Variants in ABCC3 observed in about 807,000 individuals in gnomAD.
ABCC3 encodes ATP binding cassette subfamily C member 3.
A neutral mutation model predicts 165.3 loss-of-function variants in ABCC3; 121 were observed. That is an observed-to-expected ratio of 0.73 (90% CI 0.63 to 0.85). ABCC3 has a LOEUF of 0.85. Among genes scored for constraint, ABCC3 ranks in the 40% least tolerant of loss-of-function variants. ABCC3 has a pLI of 0.00. For synonymous variants in ABCC3, 733 were observed against 810.1 expected (o/e 0.90, Z 1.62); for missense variants, 1,869 against 1,964.1 (o/e 0.95, Z 0.92).
intron 17 of ABCC3, among the ~76,000 whole-genome samples, 167 bp downstream of exon 17, chr17:50,669,695 A>G (rs1275385097): frequency 6.6e-6 from 1 of 152,242 alleles, no homozygotes; most frequent in African/African-American, 2.4e-5. Context: ...TGTTTAGTGA[A>G]CAAGTAGGAA....
chr17:50,673,828 C>G (rs1967703410), intron 19 of ABCC3, among the ~76,000 whole-genome samples, 170 bp downstream of exon 19: 1 of 151,876 alleles, frequency 6.6e-6, no homozygotes, highest in South Asian at 2.1e-4. Flanking sequence ...ATAGTCGGGT[C>G]CCACTGCCTC....
At chr17:50,677,096 G>A (rs1020692662) in intron 23 of ABCC3, among the ~76,000 whole-genome samples, 10 of 152,312 alleles carry the variant, frequency 6.6e-5, no homozygotes, top group African/African-American at 2.2e-4. Flanking sequence ...TGGCCAGGCT[G>A]CTCTTGAACT....
intron 8 of ABCC3, 67 bp from the exon 9 acceptor site, chr17:50,663,614 G>C (rs1246076295): frequency 7.1e-6 from 11 of 1,558,012 alleles, no homozygotes; most frequent in South Asian, 1.2e-5. Flanking sequence ...TAAAAGCAAA[G>C]GGCAGCAGAG....
Position 50,678,311 on chromosome 17 carries a change from A to C in ABCC3, c.3705+92A>C, listed in dbSNP as rs923640044. ...ATCTCCCGAGTGCCCCTCCCTGCTC[A>C]GTATGGGCACCAGCCACAGGGTCTG... On this transcript the variant is annotated intron_variant, in intron 25 of 30. Transcript: ENST00000285238. 4 of 1,378,676 alleles carry C rather than the reference A, an allele frequency of 2.9e-6. No homozygotes were observed. The Admixed American group carries it at 8.7e-5, about 30-fold the overall frequency. The allele number at this position is 1,378,676 out of a possible 1,614,324, so 85.4% of individuals were successfully genotyped here. A position where few individuals can be genotyped will look rare whatever the true frequency, so the allele number is the denominator to read the frequency against.
At chr17:50,649,046 A>G (rs573288086) in intron 1 of ABCC3, among the ~76,000 whole-genome samples, 103 of 150,280 alleles carry the variant, frequency 6.9e-4, no homozygotes, top group African/African-American at 2.5e-3. Context: ...TCAGAGGCAG[A>G]GGTTGCAGTG....
intron 1 of ABCC3, among the ~76,000 whole-genome samples, chr17:50,639,635 G>A (rs1163231275): frequency 6.6e-6 from 1 of 152,154 alleles, no homozygotes; most frequent in African/African-American, 2.4e-5. Flanking sequence ...TGCTGGGGTG[G>A]CTGGGCCCCT....
intron 1 of ABCC3, among the ~76,000 whole-genome samples, chr17:50,636,642 T>C (rs1195852919): frequency 1.3e-5 from 2 of 152,012 alleles, no homozygotes; most frequent in Non-Finnish European, 2.9e-5. Flanking sequence ...AAACAGAAAA[T>C]CAAGAGGGTA....
At chr17:50,669,561 G>A (rs1395611820) in intron 17 of ABCC3, 33 bp downstream of exon 17, 5 of 1,606,908 alleles carry the variant, frequency 3.1e-6, no homozygotes, top group Non-Finnish European at 3.4e-6. Flanking sequence ...TAAGAGGCTA[G>A]GGCATAGAGC....
chr17:50,676,630 G>T, intron 23 of ABCC3, 42 bp downstream of exon 23: 1 of 1,549,016 alleles, frequency 6.5e-7, no homozygotes. Flanking sequence ...TGGTGTTATT[G>T]GGGCGGGGCA....
chr17:50,673,100 G>A lies in ABCC3; in HGVS notation c.2371G>A (p.Asp791Asn). The stretch of plus-strand genomic sequence containing the variant: ...CTCTCATGTGGCCAAGCACATCTTT[G>A]ACCACGTCATCGGGCCAGAAGGCGT... The part of the protein sequence containing the change: ...VDSHVAKHIF[D>N]HVIGPEGVLA... The change falls in exon 18 of 31, where the codon GAC becomes AAC. Residue 791 changes from aspartate to asparagine, a missense_variant. By Grantham distance (23) the Asp-to-Asn change is conservative. Transcript: ENST00000285238. 6.2e-7 allele frequency: 1 copy of A among 1,614,098 alleles called. No homozygotes were observed. Among genetic ancestry groups the A allele is most frequent in the Non-Finnish European group, 8.5e-7 (1 of 1,180,036 alleles).
In ABCC3 at chr17:50,687,664, C is replaced by T; in HGVS notation, c.4409C>T (p.Thr1470Ile). 1 of 1,614,256 alleles carries T rather than the reference C, an allele frequency of 6.2e-7. No homozygotes were observed. Among genetic ancestry groups the T allele is most frequent in the Non-Finnish European group, 8.5e-7 (1 of 1,180,052 alleles). The change falls in exon 30 of 31, where the codon ACC becomes ATC. Residue 1470 changes from threonine to isoleucine, a missense_variant. Physicochemically the swap from Thr to Ile is moderately conservative, Grantham distance 89. Transcript: ENST00000285238. ...AACCTCATCCAGGCTACCATCCGCA[C>T]CCAGTTTGATACCTGCACTGTCCTG... ...TDNLIQATIRTQFDTCTVLTI... is the reference protein window; with the variant it reads ...TDNLIQATIRIQFDTCTVLTI...
chr17:50,673,526 G>C lies in ABCC3; in HGVS notation c.2467G>C (p.Val823Leu). 1 of 1,614,190 alleles carries C rather than the reference G, an allele frequency of 6.2e-7. No homozygotes were observed. The highest frequency in any genetic ancestry group is 8.5e-7 in the Non-Finnish European group (1 of 1,180,028). The change falls in exon 19 of 31, where the codon GTG becomes CTG. Residue 823 changes from valine (V) to leucine (L), a missense_variant. Coordinates refer to ENST00000285238, the MANE Select transcript of ABCC3 (RefSeq NM_003786.4). Reference sequence around the variant, plus strand: ...CCTGCCCCAGACAGACTTCATCATTGTGCTAGCTGATGGACAGGTGTCTGA... The same window carrying C: ...CCTGCCCCAGACAGACTTCATCATTCTGCTAGCTGATGGACAGGTGTCTGA... The part of the protein sequence containing the change: ...SFLPQTDFII[V>L]LADGQVSEMG...
At chr17:50,666,149 C>G (rs1402077563) in intron 11 of ABCC3, among the ~76,000 whole-genome samples, 1 of 152,290 alleles carries the variant, frequency 6.6e-6, no homozygotes, top group East Asian at 1.9e-4. Context: ...CTGCCTAACT[C>G]CTTTCCTTCC....
intron 27 of ABCC3, 58 bp downstream of exon 27, chr17:50,683,814 C>T (rs756644569): frequency 1.7e-5 from 27 of 1,571,202 alleles, no homozygotes; most frequent in Non-Finnish European, 2.2e-5. Flanking sequence ...ATGGCCACAG[C>T]CCTTGTGGGG....
intron 30 of ABCC3, among the ~76,000 whole-genome samples, chr17:50,689,426 G>C (rs532064699): frequency 1.3e-5 from 2 of 152,156 alleles, no homozygotes; most frequent in African/African-American, 4.8e-5. Flanking sequence ...GAAGCCTCAC[G>C]GGAGTGAACT....
In ABCC3 at chr17:50,668,902, GC is replaced by G; in HGVS notation, c.1926del (p.Thr643LeufsTer5). On this transcript the variant is annotated frameshift_variant, in exon 15 of 31. Coordinates refer to ENST00000285238, the MANE Select transcript of ABCC3 (RefSeq NM_003786.4). LOFTEE classifies it high-confidence loss of function. ...SGTFTWAQDL[P>X]PTLHSLDIQV... is the part of the protein sequence containing the mutation. ...GCACCTTCACCTGGGCCCAGGACCT[GC>G]CCCCCACTCTGCACAGGTACCAGCT... 1 of 1,613,988 alleles carries G rather than the reference GC, an allele frequency of 6.2e-7. No individual in the cohort carries two copies. The highest frequency in any genetic ancestry group is 1.7e-5 in the Admixed American group (1 of 60,002).
At chr17:50,644,576 G>A (rs536923707) in intron 1 of ABCC3, among the ~76,000 whole-genome samples, 1 of 152,212 alleles carries the variant, frequency 6.6e-6, no homozygotes, top group South Asian at 2.1e-4. Flanking sequence ...GCTGGGTGTG[G>A]TGGTGTGCAC....
chr17:50,669,441 G>C lies in ABCC3; in HGVS notation c.2154G>C (p.Lys718Asn). Residue 718 changes from lysine to asparagine, a missense_variant, in exon 17 of 31, where the codon AAG (lysine) becomes AAC (asparagine). By Grantham distance (94) the Lys-to-Asn change is moderately conservative. Transcript: ENST00000285238. ...NVLFGKALNP[K>N]RYQQTLEACA... ...TTTTCGGCAAAGCCCTGAACCCCAA[G>C]CGCTACCAGCAGACTCTGGAGGCCT... 1.2e-6 allele frequency: 2 copies of C among 1,614,270 alleles called. No individual in the cohort carries two copies. The highest frequency in any genetic ancestry group is 1.6e-4 in the Middle Eastern group (1 of 6,062).
At position 50,662,762 on chromosome 17, in the gene ABCC3, A is replaced by G. The variant is rs374318251; in HGVS notation, c.999-919A>G. Among the ~76,000 whole-genome samples the G allele has an allele frequency of 2.0e-5, 3 of 151,830 alleles. No homozygotes were observed. In the East Asian group the frequency reaches 5.8e-4, roughly 30 times the overall value. ...ACGTTCACAGGTACCAGGTGTTGGG[A>G]GCTGAACATATCTTTCTGGGAGACA... is the stretch of plus-strand genomic sequence containing the variant. On this transcript the variant is annotated intron_variant, in intron 8 of 30. Transcript: ENST00000285238.
Sources: gnomAD v4.1 joint callset for allele counts (sites outside exome capture counted in the v4.1 genomes callset) on GRCh38, gnomAD v4.1.1 for gene constraint, MANE v1.5 for transcripts, NCBI Gene and HGNC (gene_info 2026-07-23, HGNC 2026-07-21) for gene names.